The following NALCN variants were observed in gnomAD, a reference collection of about 807,000 sequenced individuals.
NALCN encodes the protein sodium leak channel, non-selective.
In NALCN, 111 loss-of-function variants were observed where a neutral mutation model predicts 225.3. The ratio of observed to expected loss-of-function variants is 0.49; its 90% CI spans 0.42 to 0.58. The LOEUF (loss-of-function observed/expected upper bound fraction) is 0.58, where lower values mean the gene tolerates loss of function less well. Ranked by LOEUF, NALCN falls within the 20% of genes least tolerant of loss-of-function variation. NALCN has a pLI of 0.00. For missense variants in NALCN, 1,378 were observed against 2,202.4 expected (o/e 0.63, Z 7.49); for synonymous variants, 764 against 769.0 (o/e 0.99, Z 0.11).
chr13:101,282,912 A>G (rs1168376795), intron 10 of NALCN, among the ~76,000 whole-genome samples: 1 of 152,176 alleles, frequency 6.6e-6, no homozygotes, highest in Non-Finnish European at 1.5e-5. Context: ...TCATGTACCC[A>G]TCCTTGAGTT....
At chr13:101,095,713 C>T (rs1227051144) in intron 27 of NALCN, 33 bp from the exon 28 acceptor site, 1 of 1,531,508 alleles carries the variant, frequency 6.5e-7, no homozygotes, top group Non-Finnish European at 9.0e-7. Context: ...GAGGGGAAAC[C>T]TGGTCAGAAA....
intron 7 of NALCN, among the ~76,000 whole-genome samples, chr13:101,304,022 A>G (rs2044065644): frequency 6.6e-6 from 1 of 152,156 alleles, no homozygotes; most frequent in South Asian, 2.1e-4. Flanking sequence ...AGAAGGTATA[A>G]CTCACTGTTC....
intron 7 of NALCN, among the ~76,000 whole-genome samples, chr13:101,324,196 G>A (rs546113143): frequency 8.7e-4 from 132 of 152,210 alleles, no homozygotes; most frequent in Admixed American, 1.4e-3. Flanking sequence ...TTGAGTCCTC[G>A]TAACACGTCT....
At chr13:101,339,717 T>C (rs1409471095) in intron 7 of NALCN, among the ~76,000 whole-genome samples, 4 of 152,102 alleles carry the variant, frequency 2.6e-5, no homozygotes, top group Non-Finnish European at 4.4e-5. Flanking sequence ...CGAATGTATA[T>C]GGATAAATAA....
intron 30 of NALCN, among the ~76,000 whole-genome samples, chr13:101,086,479 G>GT (rs1262597791): frequency 4.6e-5 from 7 of 151,600 alleles, no homozygotes; most frequent in South Asian, 2.1e-4. Context: ...AAATTGTAGA[G>GT]TTTTTTTTGT....
intron 28 of NALCN, among the ~76,000 whole-genome samples, chr13:101,092,583 CT>C (rs2034292834): frequency 6.6e-6 from 1 of 152,190 alleles, no homozygotes; most frequent in Non-Finnish European, 1.5e-5. Flanking sequence ...ACCAGTGTGT[CT>C]TCTCATCTGG....
At chr13:101,182,995 A>T (rs1471598000) in intron 14 of NALCN, among the ~76,000 whole-genome samples, 1 of 152,232 alleles carries the variant, frequency 6.6e-6, no homozygotes, top group Non-Finnish European at 1.5e-5. Context: ...ATTTGGACTG[A>T]AAGAGCAGGT....
chr13:101,122,374 T>C (rs2036020650), intron 18 of NALCN, among the ~76,000 whole-genome samples: 1 of 152,180 alleles, frequency 6.6e-6, no homozygotes, highest in South Asian at 2.1e-4. Context: ...CTCAGGTAGT[T>C]TTAAGGTGCT....
intron 15 of NALCN, among the ~76,000 whole-genome samples, chr13:101,158,794 T>G (rs981147247): frequency 6.6e-6 from 1 of 152,216 alleles, no homozygotes; most frequent in Non-Finnish European, 1.5e-5. Flanking sequence ...GGAAGTCCTC[T>G]CTTGCGCTTT....
intron 12 of NALCN, among the ~76,000 whole-genome samples, chr13:101,229,903 G>C (rs1389324884): frequency 6.6e-6 from 1 of 152,056 alleles, no homozygotes; most frequent in African/African-American, 2.4e-5. Context: ...AATACAGGTT[G>C]AACATTCCTA....
At chr13:101,249,903 A>G (rs143062786) in intron 11 of NALCN, among the ~76,000 whole-genome samples, 373 of 152,262 alleles carry the variant, frequency 2.4e-3, no homozygotes, top group Non-Finnish European at 4.2e-3. Flanking sequence ...ATAATAAAAG[A>G]AGAAAAAAAT....
Position 101,402,413 on chromosome 13 carries a change from T to C in NALCN, c.-39-3248A>G, listed in dbSNP as rs138336727. 2.8e-3 allele frequency among the ~76,000 whole-genome samples: 421 copies of C among 152,290 alleles called. 2 individuals carry two copies. The highest frequency in any genetic ancestry group is 9.5e-3 in the African/African-American group (393 of 41,554). Reference sequence around the variant, plus strand: ...AATGGTTAAGACCCAGTTTTTGTATTCTGTGATAGCAATTTCATTTCTATT... The same window carrying C: ...AATGGTTAAGACCCAGTTTTTGTATCCTGTGATAGCAATTTCATTTCTATT... On this transcript the variant is annotated intron_variant, in intron 1 of 43. Coordinates refer to ENST00000251127, the MANE Select transcript of NALCN (RefSeq NM_052867.4).
chr13:101,151,672 T>C (rs1231092373), intron 15 of NALCN, among the ~76,000 whole-genome samples: 4 of 152,200 alleles, frequency 2.6e-5, no homozygotes. Context: ...TGTATCTATA[T>C]ATATGACATA....
chr13:101,279,685 C>T (rs1197319690), intron 10 of NALCN, among the ~76,000 whole-genome samples: 3 of 148,880 alleles, frequency 2.0e-5, no homozygotes, highest in Non-Finnish European at 4.5e-5. Flanking sequence ...GGCGTAGTGG[C>T]GGGCGCCTGT....
At chr13:101,079,598 C>A (rs1174258675) in intron 34 of NALCN, among the ~76,000 whole-genome samples, 1 of 152,210 alleles carries the variant, frequency 6.6e-6, no homozygotes, top group Non-Finnish European at 1.5e-5. Flanking sequence ...TCTCCCTCAT[C>A]ATAGTCATTA....
At chr13:101,402,418 G>C (rs1204410518) in intron 1 of NALCN, among the ~76,000 whole-genome samples, 1 of 152,076 alleles carries the variant, frequency 6.6e-6, no homozygotes, top group Non-Finnish European at 1.5e-5. Context: ...TGTATTCTGT[G>C]ATAGCAATTT....
At chr13:101,213,812 T>C (rs539664256) in intron 13 of NALCN, among the ~76,000 whole-genome samples, 53 of 152,230 alleles carry the variant, frequency 3.5e-4, no homozygotes, top group African/African-American at 1.2e-3. Flanking sequence ...TGGAGGCATA[T>C]AGAGAAATAG....
Position 101,062,153 on chromosome 13 carries a change from G to T in NALCN, c.4605-35C>A, listed in dbSNP as rs375299031. 11 of 1,608,922 alleles carry T rather than the reference G, an allele frequency of 6.8e-6. No individual in the cohort carries two copies. The South Asian group carries it at 1.1e-4, about 16-fold the overall frequency. ...GAAACACACCTGCAATCGCAGCTCT[G>T]ATTCACCTGAGATTTACACCCTTAG... On this transcript the variant is annotated intron_variant, in intron 40 of 43. Transcript: ENST00000251127.
At chr13:101,151,599 A>G (rs2037651376) in intron 15 of NALCN, among the ~76,000 whole-genome samples, 1 of 152,230 alleles carries the variant, frequency 6.6e-6, no homozygotes, top group Non-Finnish European at 1.5e-5. Flanking sequence ...CCTCTTTGTT[A>G]TGTGAATAAA....
Sources: gnomAD v4.1 joint callset for allele counts (sites outside exome capture counted in the v4.1 genomes callset) on GRCh38, gnomAD v4.1.1 for gene constraint, MANE v1.5 for transcripts, NCBI Gene and HGNC (gene_info 2026-07-23, HGNC 2026-07-21) for gene names.